Variants in IRGQ observed in about 807,000 individuals in gnomAD.
The protein encoded by IRGQ is immunity related GTPase Q.
Under a neutral mutation model 10.5 loss-of-function variants are expected in IRGQ, and 5 were observed. That is an observed-to-expected ratio of 0.48 (90% CI 0.25 to 1.00). The LOEUF (loss-of-function observed/expected upper bound fraction) is 1.00, where lower values mean the gene tolerates loss of function less well. Ranked by LOEUF, IRGQ falls within the 50% of genes least tolerant of loss-of-function variation. The probability of loss-of-function intolerance (pLI) is 0.16; values close to 1 mark genes in which losing one functional copy is unlikely to be tolerated. For synonymous variants in IRGQ, 418 were observed against 426.0 expected (o/e 0.98, Z 0.23); for missense variants, 792 against 877.7 (o/e 0.90, Z 1.23).
rs184610055 is a variant in IRGQ at position 43,586,949 on chromosome 19, A to C, written c.*5077T>G. On this transcript the variant is annotated 3_prime_UTR_variant, in exon 3 of 3. Coordinates refer to ENST00000422989, the MANE Select transcript of IRGQ (RefSeq NM_001007561.3). ...TTCTGTACCTTCCCTGTCCAATACC[A>C]TAGCCACTAATCACATGTGGCTACT... 1 of 152,330 alleles carries C rather than the reference A, an allele frequency of 6.6e-6. No individual in the cohort carries two copies. The highest frequency in any genetic ancestry group is 1.9e-4 in the East Asian group (1 of 5,194). The allele number at this position is 152,330 out of a possible 1,614,324, so 9.4% of individuals were successfully genotyped here. A position where few individuals can be genotyped will look rare whatever the true frequency, so the allele number is the denominator to read the frequency against.
chr19:43,595,412 C>G (rs1373987353), intron 1 of IRGQ, 72 bp from the exon 2 acceptor site: 1 of 1,410,700 alleles, frequency 7.1e-7, no homozygotes, highest in South Asian at 1.4e-5. Context: ...CCGCCCCACT[C>G]GGAACCCAGG....
Position 43,589,798 on chromosome 19 carries a change from G to A in IRGQ, c.*2228C>T, listed in dbSNP as rs554584528. The A allele has an allele frequency of 2.0e-5, 3 of 152,282 alleles. No individual in the cohort carries two copies. The South Asian group carries it at 6.2e-4, about 32-fold the overall frequency. The allele number at this position is 152,282 out of a possible 1,614,324, so 9.4% of individuals were successfully genotyped here. ...GAATGTGAGCTACTTCAGATAGGGTGGTCAGGGAGGGGAAGTCCTCTCTGA... is the reference window on the plus strand; with the variant it reads ...GAATGTGAGCTACTTCAGATAGGGTAGTCAGGGAGGGGAAGTCCTCTCTGA... On this transcript the variant is annotated 3_prime_UTR_variant, in exon 3 of 3. Coordinates refer to ENST00000422989, the MANE Select transcript of IRGQ (RefSeq NM_001007561.3).
Position 43,586,468 on chromosome 19 carries a change from GACAC to G in IRGQ, c.*5554_*5557del, listed in dbSNP as rs768954454. 1 of 152,154 alleles carries G rather than the reference GACAC, an allele frequency of 6.6e-6. No individual in the cohort carries two copies. Among genetic ancestry groups the G allele is most frequent in the African/African-American group, 2.4e-5 (1 of 41,426 alleles). The allele number at this position is 152,154 out of a possible 1,614,324, so 9.4% of individuals were successfully genotyped here. On this transcript the variant is annotated 3_prime_UTR_variant, in exon 3 of 3. Coordinates refer to ENST00000422989, the MANE Select transcript of IRGQ (RefSeq NM_001007561.3). ...CAACCAGCACTCCTCTATGGGCACAGACACACACACAAAATTGTCTTGCTTTCTC... is the reference window on the plus strand; with the variant it reads ...CAACCAGCACTCCTCTATGGGCACAGACACACAAAATTGTCTTGCTTTCTC...
In IRGQ at chr19:43,585,513, T is replaced by G. The variant is rs1972985414; in HGVS notation, c.*6513A>C. ...CCCTGGCCTCCCAAAGTGCTGGGAT[T>G]ATAGGTGTGAGCCACCACACCCGGC... On this transcript the variant is annotated 3_prime_UTR_variant, in exon 3 of 3. Transcript: ENST00000422989. 1 of 152,228 alleles carries G rather than the reference T, an allele frequency of 6.6e-6. No individual in the cohort carries two copies. The highest frequency in any genetic ancestry group is 2.4e-5 in the African/African-American group (1 of 41,414). The allele number at this position is 152,228 out of a possible 1,614,324, so 9.4% of individuals were successfully genotyped here.
rs1972996569 is a variant in IRGQ, at chr19:43,586,561, A to G, written c.*5465T>C. 1.3e-5 allele frequency: 2 copies of G among 152,270 alleles called. No homozygotes were observed. The highest frequency in any genetic ancestry group is 1.3e-4 in the Admixed American group (2 of 15,286). 9.4% of individuals were successfully genotyped at this position (152,270 alleles called of 1,614,324 possible). ...CAGAGGAAATTGAGAGGAGCAAAGC[A>G]TATAGCAGTGATGTCAGACAGGACC... On this transcript the variant is annotated 3_prime_UTR_variant, in exon 3 of 3. Coordinates refer to ENST00000422989, the MANE Select transcript of IRGQ (RefSeq NM_001007561.3).
chr19:43,590,776 C>T lies in IRGQ; in HGVS notation c.*1250G>A. On this transcript the variant is annotated 3_prime_UTR_variant, in exon 3 of 3. Coordinates refer to ENST00000422989, the MANE Select transcript of IRGQ (RefSeq NM_001007561.3). ...AGAAAAGAGACAGAGAAACAGACTC[C>T]CCAGAGATCACCTGAATTGCTCAGC... 1 of 152,312 alleles carries T rather than the reference C, an allele frequency of 6.6e-6. No individual in the cohort carries two copies. The highest frequency in any genetic ancestry group is 1.5e-5 in the Non-Finnish European group (1 of 68,060). The allele number at this position is 152,312 out of a possible 1,614,324, so 9.4% of individuals were successfully genotyped here.
rs1032676914 is a variant in IRGQ at position 43,590,840 on chromosome 19, C to T, written c.*1186G>A. ...AGGCAGTCATATCCCTTCCCAGTCA[C>T]ACTCACAGAGGCAGTTGCCGGGATC... On this transcript the variant is annotated 3_prime_UTR_variant, in exon 3 of 3. Transcript: ENST00000422989. The T allele has an allele frequency of 7.9e-5, 12 of 152,234 alleles. No homozygotes were observed. Among genetic ancestry groups the T allele is most frequent in the East Asian group, 3.8e-4 (2 of 5,200 alleles). 9.4% of individuals were successfully genotyped at this position (152,234 alleles called of 1,614,324 possible). A position where few individuals can be genotyped will look rare whatever the true frequency, so the allele number is the denominator to read the frequency against.
In IRGQ at chr19:43,595,394, T is replaced by C; in HGVS notation, c.-2-54A>G. On this transcript the variant is annotated intron_variant, in intron 1 of 2. Transcript: ENST00000422989. ...GGTCAGGGAGCACCTAGCCTTTTCC[T>C]TTCCTAGCCGCCCCACTCGGAACCC... 4 of 1,478,168 alleles carry C rather than the reference T, an allele frequency of 2.7e-6. No individual in the cohort carries two copies. The South Asian group carries it at 4.1e-5, about 15-fold the overall frequency. The allele number at this position is 1,478,168 out of a possible 1,614,324, so 91.6% of individuals were successfully genotyped here. A position where few individuals can be genotyped will look rare whatever the true frequency, so the allele number is the denominator to read the frequency against.
rs933605651 is a variant in IRGQ at position 43,595,322 on chromosome 19, C to T, written c.17G>A (p.Gly6Asp). Reference protein sequence around the residue: MPPPQGDVTALFLGPP... With the variant: MPPPQDDVTALFLGPP... The stretch of plus-strand genomic sequence containing the variant: ...CCCCAGGAACAAGGCGGTCACGTCA[C>T]CCTGCGGCGGAGGCATGGCTGGAAA... Residue 6 changes from glycine (G) to aspartate (D), a missense_variant, in exon 2 of 3, where the codon GGT becomes GAT. By Grantham distance (94) the Gly-to-Asp change is moderately conservative (BLOSUM62 -1). Coordinates refer to ENST00000422989, the MANE Select transcript of IRGQ (RefSeq NM_001007561.3). The T allele has an allele frequency of 1.3e-6, 2 of 1,557,586 alleles. No individual in the cohort carries two copies. Among genetic ancestry groups the T allele is most frequent in the African/African-American group, 1.4e-5 (1 of 73,100 alleles).
Position 43,593,472 on chromosome 19 carries a change from G to T in IRGQ, c.531-105C>A. 2 of 1,219,332 alleles carry T rather than the reference G, an allele frequency of 1.6e-6. No homozygotes were observed. The highest frequency in any genetic ancestry group is 2.2e-6 in the Non-Finnish European group (2 of 923,424). The allele number at this position is 1,219,332 out of a possible 1,614,324, so 75.5% of individuals were successfully genotyped here. A position where few individuals can be genotyped will look rare whatever the true frequency, so the allele number is the denominator to read the frequency against. ...AGCTTTCCTAATGATCCCAGAATGG[G>T]GCAGGGGTAGGAAAGGGAAGGGCCA... On this transcript the variant is annotated intron_variant, in intron 2 of 2. Transcript: ENST00000422989. This position sits in a 1 kb window ranked among gnomAD's most constrained non-coding sequence, Gnocchi z 6.4.
chr19:43,592,127 C>T lies in IRGQ; in HGVS notation c.1771G>A (p.Gly591Ser). 6.2e-7 allele frequency: 1 copy of T among 1,611,636 alleles called. No individual in the cohort carries two copies. The highest frequency in any genetic ancestry group is 8.5e-7 in the Non-Finnish European group (1 of 1,179,736). The change falls in exon 3 of 3, where the codon GGC (glycine) becomes AGC (serine). Residue 591 changes from glycine to serine, a missense_variant. Gly to Ser is a moderately conservative substitution (Grantham distance 56, BLOSUM62 0). Coordinates refer to ENST00000422989, the MANE Select transcript of IRGQ (RefSeq NM_001007561.3). ...WPAGGAAATG[G>S]LGYRAAHGVL... ...CCGTGAGCCGCTCGGTAGCCCAGGC[C>T]ACCTGTCGCCGCTGCACCACCCGCA...
At chr19:43,595,406 C>G in intron 1 of IRGQ, 66 bp from the exon 2 acceptor site, 3 of 1,442,284 alleles carry the variant, frequency 2.1e-6, no homozygotes, top group Non-Finnish European at 2.8e-6. Flanking sequence ...TCCTAGCCGC[C>G]CCACTCGGAA....
At position 43,588,466 on chromosome 19, in the gene IRGQ, TA is replaced by T. The variant is rs1170907035; in HGVS notation, c.*3559del. On this transcript the variant is annotated 3_prime_UTR_variant, in exon 3 of 3. Coordinates refer to ENST00000422989, the MANE Select transcript of IRGQ (RefSeq NM_001007561.3). ...AGCTGGGCGCGGTGGCTCATGCCTGTAATCCCAGCACTTTGGGAGGCCAAGG... is the reference window on the plus strand; with the variant it reads ...AGCTGGGCGCGGTGGCTCATGCCTGTATCCCAGCACTTTGGGAGGCCAAGG... 1 of 151,904 alleles carries T rather than the reference TA, an allele frequency of 6.6e-6. No homozygotes were observed. The highest frequency in any genetic ancestry group is 1.5e-5 in the Non-Finnish European group (1 of 68,044). The allele number at this position is 151,904 out of a possible 1,614,324, so 9.4% of individuals were successfully genotyped here.
chr19:43,594,346 G>A (rs1022302451), intron 2 of IRGQ, among the ~76,000 whole-genome samples: 3 of 152,218 alleles, frequency 2.0e-5, no homozygotes, highest in Non-Finnish European at 2.9e-5. Flanking sequence ...TGGGAAGCCT[G>A]GGTGGGGGCA....
At position 43,593,508 on chromosome 19, in the gene IRGQ, A is replaced by C. The variant is rs1269430700; in HGVS notation, c.531-141T>G. 6.7e-6 allele frequency: 5 copies of C among 747,646 alleles called. No individual in the cohort carries two copies. The highest frequency in any genetic ancestry group is 3.6e-5 in the Admixed American group (1 of 27,748). 46.3% of individuals were successfully genotyped at this position (747,646 alleles called of 1,614,324 possible). ...GAAAGGGAAGGGCCAGACTGATGGC[A>C]CAGCAAATAGAAACCAGATAGGGAG... On this transcript the variant is annotated intron_variant, in intron 2 of 2. Transcript: ENST00000422989. The surrounding 1 kb of genome is among the most constrained non-coding windows in gnomAD (Gnocchi z 6.4).
Position 43,591,709 on chromosome 19 carries a change from G to C in IRGQ, c.*317C>G. The C allele has an allele frequency of 4.2e-6, 1 of 236,700 alleles. No individual in the cohort carries two copies. The highest frequency in any genetic ancestry group is 8.1e-6 in the Non-Finnish European group (1 of 123,484). The allele number at this position is 236,700 out of a possible 1,614,324, so 14.7% of individuals were successfully genotyped here. On this transcript the variant is annotated 3_prime_UTR_variant, in exon 3 of 3. Transcript: ENST00000422989. The stretch of plus-strand genomic sequence containing the variant: ...CTAAAAATACAAAAATTAGCCAGGT[G>C]TGGTGGCAGGCACCTGTAATCCCAG...
chr19:43,592,802 G>A lies in IRGQ; in HGVS notation c.1096C>T (p.Leu366Phe), dbSNP rs780344802. Residue 366 changes from leucine (L) to phenylalanine (F), a missense_variant, in exon 3 of 3, where the codon CTC (leucine) becomes TTC (phenylalanine). Coordinates refer to ENST00000422989, the MANE Select transcript of IRGQ (RefSeq NM_001007561.3). ...CTACATTTCTCCCTTCCCTTACTGA[G>A]TGCATTCTCCAATCCCCCTCCACCT... ...NAGGGGLENALSKGREKCSAG... is the reference protein window; with the variant it reads ...NAGGGGLENAFSKGREKCSAG... 2 of 1,613,962 alleles carry A rather than the reference G, an allele frequency of 1.2e-6. No individual in the cohort carries two copies. Among genetic ancestry groups the A allele is most frequent in the Admixed American group, 1.7e-5 (1 of 60,014 alleles).
rs1446625041 is a variant in IRGQ at position 43,586,761 on chromosome 19, G to A, written c.*5265C>T. ...TTCAGGAAAGGGTGTACTATGTTATGTGTCTGTGTGCATATTGTGTGCCTG... is the reference window on the plus strand; with the variant it reads ...TTCAGGAAAGGGTGTACTATGTTATATGTCTGTGTGCATATTGTGTGCCTG... On this transcript the variant is annotated 3_prime_UTR_variant, in exon 3 of 3. Transcript: ENST00000422989. The A allele has an allele frequency of 6.6e-6, 1 of 152,218 alleles. No individual in the cohort carries two copies. Among genetic ancestry groups the A allele is most frequent in the Non-Finnish European group, 1.5e-5 (1 of 68,038 alleles). The allele number at this position is 152,218 out of a possible 1,614,324, so 9.4% of individuals were successfully genotyped here.
In IRGQ at chr19:43,585,618, C is replaced by G. The variant is rs1488711847; in HGVS notation, c.*6408G>C. ...GCTGAAGCAAACCACATAGTCAAAC[C>G]TAGAAGGAGAGCAACAATCCAAGGG... On this transcript the variant is annotated 3_prime_UTR_variant, in exon 3 of 3. Transcript: ENST00000422989. The G allele has an allele frequency of 6.6e-6, 1 of 152,080 alleles. No individual in the cohort carries two copies. Among genetic ancestry groups the G allele is most frequent in the Non-Finnish European group, 1.5e-5 (1 of 68,020 alleles). The allele number at this position is 152,080 out of a possible 1,614,324, so 9.4% of individuals were successfully genotyped here. A position where few individuals can be genotyped will look rare whatever the true frequency, so the allele number is the denominator to read the frequency against.
Sources: gnomAD v4.1 joint callset for allele counts (sites outside exome capture counted in the v4.1 genomes callset) on GRCh38, gnomAD v4.1.1 for gene constraint, Gnocchi (gnomAD v3.1) non-coding constraint, MANE v1.5 for transcripts, NCBI Gene and HGNC (gene_info 2026-07-23, HGNC 2026-07-21) for gene names.